Variants in FER1L6 observed in about 807,000 individuals in gnomAD.
FER1L6 encodes the protein fer-1-like protein 6.
In FER1L6, 177 loss-of-function variants were observed where a neutral mutation model predicts 219.2. The observed-to-expected ratio is 0.81, with a 90% CI of 0.71 to 0.91. The LOEUF (loss-of-function observed/expected upper bound fraction) is 0.91. FER1L6 is among the 40% of genes least tolerant of loss of function. The pLI, the probability that FER1L6 is intolerant of heterozygous loss-of-function variation, is 0.00. For synonymous variants in FER1L6, 768 were observed against 824.3 expected, an observed-to-expected ratio of 0.93 and a Z score of 1.17; for missense variants, 2,153 against 2,259.9, an observed-to-expected ratio of 0.95 and a Z score of 0.96.
intron 21 of FER1L6, 198 bp downstream of exon 21, chr8:124,046,099 G>C (rs1369597264): frequency 5.5e-6 from 3 of 540,802 alleles, no homozygotes; most frequent in Non-Finnish European, 3.1e-6. Context: ...TTTACTAAAA[G>C]AGTTTTTCAC....
In FER1L6 at chr8:123,870,346, G is replaced by T. The variant is rs1489722184; in HGVS notation, c.-8+18161G>T. Among the ~76,000 whole-genome samples, 4 of 152,268 alleles carry T rather than the reference G, an allele frequency of 2.6e-5. No individual in the cohort carries two copies. The East Asian group carries it at 7.7e-4, about 29-fold the overall frequency. The stretch of plus-strand genomic sequence containing the variant: ...CCGATGTCCACAGAAAACCCAGCAC[G>T]TGAATGTTTATAGCAGATTTATTCA... On this transcript the variant is annotated intron_variant, in intron 1 of 40. Coordinates refer to ENST00000522917, the MANE Select transcript of FER1L6 (RefSeq NM_001039112.2).
intron 22 of FER1L6, among the ~76,000 whole-genome samples, chr8:124,055,169 T>C (rs1008821432): frequency 2.0e-5 from 3 of 152,184 alleles, no homozygotes; most frequent in Non-Finnish European, 4.4e-5. Context: ...CTGAGCCTGG[T>C]GGTTCACGCC....
chr8:123,937,445 C>T (rs1197094011), intron 1 of FER1L6, among the ~76,000 whole-genome samples: 4 of 152,088 alleles, frequency 2.6e-5, no homozygotes, highest in African/African-American at 7.2e-5. Flanking sequence ...TCACATAGTA[C>T]GAGAATGGCC....
intron 22 of FER1L6, 156 bp from the exon 23 acceptor site, chr8:124,060,020 ATAAT>A (rs1318280173): frequency 3.3e-6 from 2 of 607,498 alleles, no homozygotes; most frequent in Middle Eastern, 2.8e-4. Context: ...CAATTAATAA[ATAAT>A]TAAATATGGT....
At chr8:124,014,596 T>G (rs1193457671) in intron 15 of FER1L6, 2 of 152,592 alleles carry the variant, frequency 1.3e-5, no homozygotes, top group East Asian at 3.9e-4. Flanking sequence ...AGAGAAACCC[T>G]GGTTCTGAGT....
At chr8:123,890,625 ATTTT>A (rs59914385) in intron 1 of FER1L6, among the ~76,000 whole-genome samples, 24 of 91,430 alleles carry the variant, frequency 2.6e-4, no homozygotes, top group African/African-American at 8.8e-4. Context: ...TAAAAATTTG[ATTTT>A]TTTTTTTTTT....
At chr8:124,007,170 C>T (rs1270221564) in intron 13 of FER1L6, among the ~76,000 whole-genome samples, 1 of 152,156 alleles carries the variant, frequency 6.6e-6, no homozygotes, top group Non-Finnish European at 1.5e-5. Flanking sequence ...TTTATTGTCT[C>T]CTTCAGAGGA....
intron 12 of FER1L6, among the ~76,000 whole-genome samples, chr8:123,990,164 A>T (rs1289724667): frequency 6.6e-6 from 1 of 152,148 alleles, no homozygotes; most frequent in Non-Finnish European, 1.5e-5. Flanking sequence ...GCTACTTGGG[A>T]GGCTGAGGCA....
chr8:123,905,729 G>A (rs556987723), intron 1 of FER1L6, among the ~76,000 whole-genome samples: 1 of 152,106 alleles, frequency 6.6e-6, no homozygotes, highest in South Asian at 2.1e-4. Context: ...AGATTATTAT[G>A]GTTCCTGGCA....
In FER1L6 at chr8:124,075,938, G is replaced by C. The variant is rs575340038; in HGVS notation, c.4093-260G>C. The stretch of plus-strand genomic sequence containing the variant: ...TCTTTCCACTGAGGAGATGACTCCA[G>C]AGAAAGTTGCACTTGGGCAAAGCCA... On this transcript the variant is annotated intron_variant, in intron 31 of 40. Transcript: ENST00000522917. Among the ~76,000 whole-genome samples the C allele has an allele frequency of 6.4e-4, 98 of 152,334 alleles. No individual in the cohort carries two copies. In the South Asian group the frequency reaches 0.01, roughly 16 times the overall value.
At chr8:123,856,060 A>G (rs1280415707) in intron 1 of FER1L6, among the ~76,000 whole-genome samples, 1 of 127,614 alleles carries the variant, frequency 7.8e-6, no homozygotes, top group Non-Finnish European at 1.6e-5. Flanking sequence ...ACATATGTGT[A>G]TGAGATATAT....
chr8:123,966,849 C>T (rs977934897), intron 5 of FER1L6, among the ~76,000 whole-genome samples: 9 of 152,128 alleles, frequency 5.9e-5, no homozygotes, highest in South Asian at 2.1e-4. Context: ...TGGGAGGCCA[C>T]GGCGTGCGGA....
chr8:123,952,262 C>A (rs1814803299), intron 1 of FER1L6, among the ~76,000 whole-genome samples: 1 of 152,152 alleles, frequency 6.6e-6, no homozygotes, highest in Non-Finnish European at 1.5e-5. Context: ...TAGAAAGTGG[C>A]CTACATGAGA....
chr8:123,975,372 C>T, intron 8 of FER1L6, 66 bp downstream of exon 8: 1 of 1,434,712 alleles, frequency 7.0e-7, no homozygotes, highest in Non-Finnish European at 9.4e-7. Context: ...CTTTCCCCTC[C>T]CTCACCACTT....
chr8:123,853,081 C>T lies in FER1L6; in HGVS notation c.-8+896C>T, dbSNP rs766325116. Among the ~76,000 whole-genome samples the T allele has an allele frequency of 1.9e-4, 29 of 152,288 alleles. No individual in the cohort carries two copies. Among genetic ancestry groups the T allele is most frequent in the Middle Eastern group, 3.4e-3 (1 of 294 alleles). On this transcript the variant is annotated intron_variant, in intron 1 of 40. Transcript: ENST00000522917. The surrounding 1 kb of genome is among the most constrained non-coding windows in gnomAD (Gnocchi z 6.6). ...TTGGTCTCAAACTCCTGGGCTCAAG[C>T]GATCCTCCTGCCTCAGCCTTCCAAA...
chr8:123,901,416 G>T (rs750583667), intron 1 of FER1L6, among the ~76,000 whole-genome samples: 3 of 152,026 alleles, frequency 2.0e-5, no homozygotes, highest in African/African-American at 7.2e-5. Flanking sequence ...TCTTGCTAAC[G>T]GTCTGTCAAT....
chr8:124,059,962 T>G (rs1283500011), intron 22 of FER1L6, among the ~76,000 whole-genome samples: 1 of 152,214 alleles, frequency 6.6e-6, no homozygotes, highest in African/African-American at 2.4e-5. Flanking sequence ...GTGGTACATC[T>G]TAAGTGCTCG....
chr8:123,857,385 C>A (rs1297094636), intron 1 of FER1L6, among the ~76,000 whole-genome samples: 4 of 152,038 alleles, frequency 2.6e-5, no homozygotes, highest in Non-Finnish European at 5.9e-5. Flanking sequence ...TGGCATGCAC[C>A]TGTAGTCCTA....
chr8:123,872,341 AT>A (rs1230906570), intron 1 of FER1L6, among the ~76,000 whole-genome samples: 1 of 152,188 alleles, frequency 6.6e-6, no homozygotes, highest in Non-Finnish European at 1.5e-5. Flanking sequence ...TGAGAAAAAT[AT>A]CAGACAAATC....
Sources: allele counts gnomAD v4.1 joint callset (sites outside exome capture counted in the v4.1 genomes callset), GRCh38; gene constraint gnomAD v4.1.1; non-coding constraint Gnocchi (gnomAD v3.1); transcripts MANE v1.5; gene names NCBI Gene and HGNC (gene_info 2026-07-23, HGNC 2026-07-21).